PTPRM: variants seen among roughly 807,000 people sequenced by gnomAD.
The protein encoded by PTPRM is protein tyrosine phosphatase receptor type M.
Under a neutral mutation model 186.7 loss-of-function variants are expected in PTPRM, and 47 were observed. That is an observed-to-expected ratio of 0.25 (90% CI 0.20 to 0.32). PTPRM has a LOEUF of 0.32. Among genes scored for constraint, PTPRM ranks in the 10% least tolerant of loss-of-function variants. The pLI is 1.00. For synonymous variants in PTPRM, 668 were observed against 674.9 expected (o/e 0.99, Z 0.16); for missense variants, 1,494 against 1,865.0 (o/e 0.80, Z 3.66).
intron 7 of PTPRM, among the ~76,000 whole-genome samples, chr18:7,964,029 T>A (rs1039684149): frequency 4.6e-5 from 7 of 152,180 alleles, no homozygotes; most frequent in Non-Finnish European, 8.8e-5. Context: ...AAATCTCTTA[T>A]ATATTTAGTA....
At chr18:7,825,428 T>C (rs1044765193) in intron 2 of PTPRM, among the ~76,000 whole-genome samples, 2 of 152,188 alleles carry the variant, frequency 1.3e-5, no homozygotes, top group Non-Finnish European at 2.9e-5. Flanking sequence ...CACTATGAAC[T>C]GAGAAAGTTT....
At chr18:7,656,770 C>G (rs1385580503) in intron 1 of PTPRM, among the ~76,000 whole-genome samples, 1 of 152,016 alleles carries the variant, frequency 6.6e-6, no homozygotes, top group Non-Finnish European at 1.5e-5. Flanking sequence ...CATTGTTTTC[C>G]CTATTCATGG....
intron 22 of PTPRM, among the ~76,000 whole-genome samples, chr18:8,328,141 A>C (rs1459163474): frequency 6.6e-6 from 1 of 152,184 alleles, no homozygotes; most frequent in Non-Finnish European, 1.5e-5. Flanking sequence ...AGGATTTTTC[A>C]AAAAGATAAA....
chr18:7,723,979 C>G (rs2040498857), intron 1 of PTPRM, among the ~76,000 whole-genome samples: 1 of 152,148 alleles, frequency 6.6e-6, no homozygotes, highest in Non-Finnish European at 1.5e-5. Context: ...GCCCTGCTCC[C>G]AACACCCTCT....
At chr18:7,936,288 C>T (rs2051802276) in intron 5 of PTPRM, among the ~76,000 whole-genome samples, 1 of 152,190 alleles carries the variant, frequency 6.6e-6, no homozygotes, top group South Asian at 2.1e-4. Flanking sequence ...GCTACCCAGC[C>T]ACGGCTGTGG....
In PTPRM at chr18:7,904,405, C is replaced by A. The variant is rs181726272; in HGVS notation, c.469-2100C>A. ...TGGTGATGTCCTTTTGTAAGCAAAC[C>A]CATCTCCCTCCTGTCTCATCTTCCT... On this transcript the variant is annotated intron_variant, in intron 3 of 32. Coordinates refer to ENST00000580170, the MANE Select transcript of PTPRM (RefSeq NM_001105244.2). Among the ~76,000 whole-genome samples, 11 of 152,230 alleles carry A rather than the reference C, an allele frequency of 7.2e-5. 1 individual carries two copies. In the East Asian group the frequency reaches 1.9e-3, roughly 27 times the overall value.
At chr18:8,344,448 G>GTGTGTATATATATATATATATA (rs1360655194) in intron 23 of PTPRM, among the ~76,000 whole-genome samples, 65 of 33,350 alleles carry the variant, frequency 1.9e-3, no homozygotes, top group Middle Eastern at 0.042. Flanking sequence ...GTGTGTGTGT[G>GTGTGTATATATATATATATATA]TATATATATA....
At chr18:8,161,183 T>C (rs751065229) in intron 14 of PTPRM, among the ~76,000 whole-genome samples, 1 of 152,232 alleles carries the variant, frequency 6.6e-6, no homozygotes, top group Non-Finnish European at 1.5e-5. Flanking sequence ...GAAGCTGTCA[T>C]GCAGGAGTGG....
chr18:8,160,456 GT>G (rs1466550456), intron 14 of PTPRM, among the ~76,000 whole-genome samples: 1 of 151,668 alleles, frequency 6.6e-6, no homozygotes, highest in Non-Finnish European at 1.5e-5. Context: ...AAATTTTGGG[GT>G]TTTGTTGTTG....
rs770118108 is a variant in PTPRM, at chr18:8,380,395, G to T, written c.3886G>T (p.Val1296Leu). The change falls in exon 29 of 33, where the codon GTA (valine) becomes TTA (leucine). Residue 1296 changes from valine (V) to leucine (L), a missense_variant. This residue lies in a region of PTPRM where 1,107 missense variants were observed against 1,350.2 expected (regional missense o/e 0.82). Transcript: ENST00000580170. ...RLVLDYHCTSVVMLNDVDPAQ... is the reference protein window; with the variant it reads ...RLVLDYHCTSLVMLNDVDPAQ... Reference sequence around the variant, plus strand: ...GGTCCTGGATTATCACTGCACATCCGTAGTTATGCTAAATGATGTGGATCC... The same window carrying T: ...GGTCCTGGATTATCACTGCACATCCTTAGTTATGCTAAATGATGTGGATCC... 3.1e-6 allele frequency: 5 copies of T among 1,614,170 alleles called. No individual in the cohort carries two copies. Among genetic ancestry groups the T allele is most frequent in the Non-Finnish European group, 4.2e-6 (5 of 1,180,036 alleles).
chr18:7,787,290 T>C (rs2043137169), intron 2 of PTPRM, among the ~76,000 whole-genome samples: 3 of 152,200 alleles, frequency 2.0e-5, no homozygotes, highest in African/African-American at 7.2e-5. Flanking sequence ...AGGAGGATGA[T>C]TAAGTTCTGG....
At chr18:8,099,664 A>G (rs1031168722) in intron 11 of PTPRM, among the ~76,000 whole-genome samples, 2 of 152,200 alleles carry the variant, frequency 1.3e-5, no homozygotes, top group Non-Finnish European at 2.9e-5. Flanking sequence ...GGCTGTGCTC[A>G]GGGGTTCCAC....
intron 1 of PTPRM, among the ~76,000 whole-genome samples, chr18:7,735,765 C>G (rs1330785763): frequency 1.3e-5 from 2 of 152,104 alleles, no homozygotes. Context: ...CTTTCTGAAG[C>G]CTGCTACTGG....
chr18:7,712,556 A>G (rs117436225), intron 1 of PTPRM, among the ~76,000 whole-genome samples: 2,470 of 152,180 alleles, frequency 0.016, 29 homozygotes, highest in Non-Finnish European at 0.028. Context: ...AAAGGTGGGT[A>G]ATAACAATCT....
intron 7 of PTPRM, among the ~76,000 whole-genome samples, chr18:7,960,866 GAGGT>G (rs1342408693): frequency 3.9e-5 from 6 of 152,084 alleles, no homozygotes; most frequent in Admixed American, 1.3e-4. Flanking sequence ...AGAGAATAGA[GAGGT>G]AGGAGATGAT....
chr18:7,600,416 A>G (rs1047026220), intron 1 of PTPRM, among the ~76,000 whole-genome samples: 1 of 152,188 alleles, frequency 6.6e-6, no homozygotes, highest in East Asian at 1.9e-4. Flanking sequence ...TTTCAAATCC[A>G]GCACATAACA....
chr18:8,023,341 G>A (rs777187385), intron 7 of PTPRM, among the ~76,000 whole-genome samples: 1 of 152,186 alleles, frequency 6.6e-6, no homozygotes, highest in Non-Finnish European at 1.5e-5. Context: ...TAAAGTTCTT[G>A]TATGTTCTCA....
At chr18:8,113,440 G>C (rs1369174918) in intron 11 of PTPRM, 46 bp from the exon 12 acceptor site, 1 of 1,563,150 alleles carries the variant, frequency 6.4e-7, no homozygotes, top group East Asian at 2.2e-5. Flanking sequence ...GAGTGGATCA[G>C]TTCAGTTATC....
intron 23 of PTPRM, among the ~76,000 whole-genome samples, chr18:8,370,205 A>AT (rs2095655738): frequency 6.6e-6 from 1 of 151,916 alleles, no homozygotes; most frequent in African/African-American, 2.4e-5. Context: ...AAAAAAAAAA[A>AT]ATACAATTTG....
Sources: allele counts gnomAD v4.1 joint callset (sites outside exome capture counted in the v4.1 genomes callset), GRCh38; gene constraint gnomAD v4.1.1; regional missense constraint gnomAD v4.1.1; transcripts MANE v1.5; gene names NCBI Gene and HGNC (gene_info 2026-07-23, HGNC 2026-07-21).